Variants in TNFSF13B observed in about 807,000 individuals in gnomAD.
TNFSF13B encodes tumor necrosis factor ligand superfamily member 13B.
TNFSF13B carries 8 observed loss-of-function variants against 29.1 expected under a neutral mutation model. The ratio of observed to expected loss-of-function variants is 0.27; its 90% CI spans 0.16 to 0.50. The LOEUF (loss-of-function observed/expected upper bound fraction) is 0.50. Ranked by LOEUF, TNFSF13B falls within the 20% of genes least tolerant of loss-of-function variation. TNFSF13B has a pLI of 0.98. For synonymous variants in TNFSF13B, 125 were observed against 130.8 expected (o/e 0.96, Z 0.30); for missense variants, 248 against 334.9 (o/e 0.74, Z 2.03).
chr13:108,288,881 G>A (rs147651679), intron 3 of TNFSF13B, among the ~76,000 whole-genome samples: 6 of 152,270 alleles, frequency 3.9e-5, no homozygotes, highest in African/African-American at 1.4e-4. Flanking sequence ...AACAACACTA[G>A]CACAGATGAT....
intron 5 of TNFSF13B, among the ~76,000 whole-genome samples, chr13:108,305,956 G>T (rs559951525): frequency 6.6e-6 from 1 of 152,086 alleles, no homozygotes; most frequent in Non-Finnish European, 1.5e-5. Flanking sequence ...TCTAAAAATA[G>T]CCACAAGTAT....
intron 3 of TNFSF13B, among the ~76,000 whole-genome samples, chr13:108,296,325 A>G (rs1194507393): frequency 2.1e-5 from 3 of 146,030 alleles, no homozygotes; most frequent in African/African-American, 7.7e-5. Flanking sequence ...CTCTGTTATC[A>G]ATATTTAATA....
In TNFSF13B at chr13:108,302,765, T is replaced by C. The variant is rs1356004495; in HGVS notation, c.482-488T>C. ...GGTTGTGTCTTAGTCACTTTCTTCT[T>C]TCTTCCGTAGGCTCCCTTCTGTTGC... On this transcript the variant is annotated intron_variant, in intron 3 of 5. Transcript: ENST00000375887. 5 of 970,958 alleles carry C rather than the reference T, an allele frequency of 5.1e-6. No homozygotes were observed. The East Asian group carries it at 5.7e-4, about 111-fold the overall frequency. 60.1% of individuals were successfully genotyped at this position (970,958 alleles called of 1,614,324 possible).
chr13:108,274,050 A>G (rs1229229974), intron 2 of TNFSF13B, among the ~76,000 whole-genome samples: 1 of 152,114 alleles, frequency 6.6e-6, no homozygotes, highest in Non-Finnish European at 1.5e-5. Context: ...ATTTTTTAAA[A>G]TAACATTTTC....
At chr13:108,271,813 A>G (rs1472572951) in intron 2 of TNFSF13B, among the ~76,000 whole-genome samples, 2 of 152,052 alleles carry the variant, frequency 1.3e-5, no homozygotes, top group Non-Finnish European at 2.9e-5. Context: ...TTTTTCATAT[A>G]TCTGTATTAA....
intron 3 of TNFSF13B, among the ~76,000 whole-genome samples, chr13:108,301,613 T>G (rs1881625824): frequency 6.6e-6 from 1 of 151,798 alleles, no homozygotes; most frequent in Non-Finnish European, 1.5e-5. Flanking sequence ...AAGTAGAGAG[T>G]AGAATGGTGT....
At chr13:108,269,684 C>T (rs1880552615), upstream of TNFSF13B, 4 of 490,770 alleles carry the variant, frequency 8.2e-6, no homozygotes, top group South Asian at 3.4e-5. Flanking sequence ...GCAATCCAAT[C>T]GGAGGGTAAA....
chr13:108,273,188 C>G (rs995765140), intron 2 of TNFSF13B, among the ~76,000 whole-genome samples: 1 of 151,902 alleles, frequency 6.6e-6, no homozygotes, highest in East Asian at 1.9e-4. Context: ...CACAGTTGAG[C>G]CTTGAACAAC....
chr13:108,294,198 G>C (rs1019800918), intron 3 of TNFSF13B, among the ~76,000 whole-genome samples: 1 of 105,974 alleles, frequency 9.4e-6, no homozygotes, highest in African/African-American at 3.4e-5. Context: ...TTTTTTTTTT[G>C]AGATGGAGTT....
chr13:108,273,535 T>C (rs1880677927), intron 2 of TNFSF13B, among the ~76,000 whole-genome samples: 1 of 152,146 alleles, frequency 6.6e-6, no homozygotes, highest in African/African-American at 2.4e-5. Context: ...CTGCATAAAA[T>C]TAACTGTGGT....
At chr13:108,276,290 C>G (rs149030485) in intron 2 of TNFSF13B, among the ~76,000 whole-genome samples, 55 of 152,318 alleles carry the variant, frequency 3.6e-4, no homozygotes, top group African/African-American at 1.2e-3. Context: ...CAGAGCTTTC[C>G]CTGAGAGTTA....
intron 2 of TNFSF13B, among the ~76,000 whole-genome samples, chr13:108,284,329 A>G (rs1231633206): frequency 7.2e-6 from 1 of 139,722 alleles, no homozygotes; most frequent in African/African-American, 2.5e-5. Flanking sequence ...ACTCCGTCTC[A>G]AAAAATAAAT....
intron 2 of TNFSF13B, among the ~76,000 whole-genome samples, chr13:108,286,162 C>G (rs1234881539): frequency 1.3e-5 from 2 of 152,168 alleles, no homozygotes; most frequent in Non-Finnish European, 2.9e-5. Flanking sequence ...GACTTTGGAT[C>G]CAGAGTGAAA....
rs917438848 is a variant in TNFSF13B, at chr13:108,269,777, G to T, written c.-119G>T. 5 of 945,316 alleles carry T rather than the reference G, an allele frequency of 5.3e-6. No individual in the cohort carries two copies. The highest frequency in any genetic ancestry group is 8.0e-6 in the Non-Finnish European group (5 of 628,152). 58.6% of individuals were successfully genotyped at this position (945,316 alleles called of 1,614,324 possible). A position where few individuals can be genotyped will look rare whatever the true frequency, so the allele number is the denominator to read the frequency against. On this transcript the variant is annotated 5_prime_UTR_variant, in exon 1 of 6. An upstream open reading frame in the 5' UTR loses its in-frame stop. Transcript: ENST00000375887. Reference sequence around the variant, plus strand: ...ATTCAGGATAACTCTCCTGAGGGGTGAGCCAAGCCCTGCCATGTAGTGCAC... The same window carrying T: ...ATTCAGGATAACTCTCCTGAGGGGTTAGCCAAGCCCTGCCATGTAGTGCAC...
In TNFSF13B at chr13:108,303,652, T is replaced by G. The variant is rs189893847; in HGVS notation, c.745+48T>G. On this transcript the variant is annotated intron_variant, in intron 5 of 5. Coordinates refer to ENST00000375887, the MANE Select transcript of TNFSF13B (RefSeq NM_006573.5). ...TGCTAATTGTGAAATGAAGAGACTTTGACGAAAAATCTGAGCTGCAAAATG... is the reference window on the plus strand; with the variant it reads ...TGCTAATTGTGAAATGAAGAGACTTGGACGAAAAATCTGAGCTGCAAAATG... 24 of 1,557,426 alleles carry G rather than the reference T, an allele frequency of 1.5e-5. No homozygotes were observed. The African/African-American group carries it at 2.5e-4, about 16-fold the overall frequency.
chr13:108,278,588 TCC>T (rs373899539), intron 2 of TNFSF13B, among the ~76,000 whole-genome samples: 1 of 113,284 alleles, frequency 8.8e-6, no homozygotes. Context: ...CTCCTCCTCC[TCC>T]CCTTCTCTTC....
At chr13:108,302,829 G>A in intron 3 of TNFSF13B, 1 of 986,462 alleles carries the variant, frequency 1.0e-6, no homozygotes, top group Non-Finnish European at 1.2e-6. Flanking sequence ...TCTTCGTCTG[G>A]AAACATTTTG....
At chr13:108,283,672 G>A (rs1881028349) in intron 2 of TNFSF13B, among the ~76,000 whole-genome samples, 1 of 152,170 alleles carries the variant, frequency 6.6e-6, no homozygotes, top group Non-Finnish European at 1.5e-5. Context: ...ACCATAGACT[G>A]AGTGGCTTGT....
chr13:108,305,287 A>G lies in TNFSF13B; in HGVS notation c.746-1539A>G, dbSNP rs117125172. On this transcript the variant is annotated intron_variant, in intron 5 of 5. Transcript: ENST00000375887. ...AATGTTTCCATAGCAACCTGAAAAG[A>G]TGTAAATGGCCAACTTAAGAAACCC... Among the ~76,000 whole-genome samples, 143 of 152,284 alleles carry G rather than the reference A, an allele frequency of 9.4e-4. 2 individuals carry two copies. The East Asian group carries it at 0.024, about 26-fold the overall frequency.
Sources: gnomAD v4.1 joint callset for allele counts (sites outside exome capture counted in the v4.1 genomes callset) on GRCh38, gnomAD v4.1.1 for gene constraint, MANE v1.5 for transcripts, NCBI Gene and HGNC (gene_info 2026-07-23, HGNC 2026-07-21) for gene names.